The following IMPG1 variants were observed in gnomAD, a reference collection of about 807,000 sequenced individuals.
The protein encoded by IMPG1 is interphotoreceptor matrix proteoglycan 1.
IMPG1 carries 85 observed loss-of-function variants against 92.0 expected under a neutral mutation model. The observed-to-expected ratio is 0.92, with a 90% CI of 0.78 to 1.11. IMPG1 has a LOEUF of 1.11. Ranked by LOEUF, IMPG1 falls within the 50% of genes least tolerant of loss-of-function variation. The pLI is 0.00. For missense variants in IMPG1, 1,022 were observed against 956.0 expected (o/e 1.07, Z -0.91); for synonymous variants, 367 against 334.1 (o/e 1.10, Z -1.08).
chr6:76,067,758 T>C (rs1290189361), intron 1 of IMPG1, among the ~76,000 whole-genome samples: 1 of 151,906 alleles, frequency 6.6e-6, no homozygotes, highest in Non-Finnish European at 1.5e-5. Flanking sequence ...AAGACCAATA[T>C]CCCTGATTAA....
intron 1 of IMPG1, among the ~76,000 whole-genome samples, chr6:76,064,895 C>T (rs1313632801): frequency 6.6e-6 from 1 of 152,078 alleles, no homozygotes; most frequent in Non-Finnish European, 1.5e-5. Flanking sequence ...GAGACCTCTG[C>T]CATATTGGCA....
chr6:75,975,349 T>C (rs1053648865), intron 12 of IMPG1, among the ~76,000 whole-genome samples: 2 of 152,242 alleles, frequency 1.3e-5, no homozygotes, highest in African/African-American at 4.8e-5. Context: ...ATCTCTGATG[T>C]CCTGAAAAAA....
intron 12 of IMPG1, among the ~76,000 whole-genome samples, chr6:75,978,281 C>T (rs569269196): frequency 2.6e-5 from 4 of 152,284 alleles, no homozygotes; most frequent in South Asian, 2.1e-4. Flanking sequence ...CTCCATTTCA[C>T]GCTGCACCTT....
chr6:75,924,966 G>T (rs1781526801), intron 15 of IMPG1, among the ~76,000 whole-genome samples: 1 of 150,638 alleles, frequency 6.6e-6, no homozygotes, highest in Non-Finnish European at 1.5e-5. Context: ...CCAGAGACTG[G>T]GGAGGGGAGG....
rs1781436281 is a variant in IMPG1, at chr6:75,921,861, C to T, written c.*228G>A. Reference sequence around the variant, plus strand: ...CCAAGAATAGTAAAAATATGTTTCGCTGATTGCATTTGGGGTTTTAATAAT... The same window carrying T: ...CCAAGAATAGTAAAAATATGTTTCGTTGATTGCATTTGGGGTTTTAATAAT... On this transcript the variant is annotated 3_prime_UTR_variant, in exon 17 of 17. Transcript: ENST00000369950. The T allele has an allele frequency of 8.3e-6, 3 of 360,700 alleles. No individual in the cohort carries two copies. Among genetic ancestry groups the T allele is most frequent in the Non-Finnish European group, 1.5e-5 (3 of 199,524 alleles). 22.3% of individuals were successfully genotyped at this position (360,700 alleles called of 1,614,324 possible).
intron 6 of IMPG1, among the ~76,000 whole-genome samples, chr6:76,021,798 T>C (rs889296447): frequency 2.1e-5 from 3 of 140,712 alleles, no homozygotes; most frequent in African/African-American, 7.8e-5. Flanking sequence ...TATATATATA[T>C]ATATGGTTTT....
At chr6:75,946,583 A>C (rs1781932740) in intron 14 of IMPG1, among the ~76,000 whole-genome samples, 2 of 152,178 alleles carry the variant, frequency 1.3e-5, no homozygotes, top group Admixed American at 1.3e-4. Context: ...ACAGTTCCCA[A>C]TTTGGTCACA....
chr6:75,942,037 T>G (rs1781843843), intron 14 of IMPG1, among the ~76,000 whole-genome samples: 1 of 152,124 alleles, frequency 6.6e-6, no homozygotes. Flanking sequence ...CTCTAAACTA[T>G]GTCTACTACG....
In IMPG1 at chr6:76,001,680, T is replaced by C. The variant is rs553503388; in HGVS notation, c.1291+1238A>G. Among the ~76,000 whole-genome samples the C allele has an allele frequency of 1.8e-4, 27 of 152,302 alleles. No individual in the cohort carries two copies. The South Asian group carries it at 5.6e-3, about 32-fold the overall frequency. On this transcript the variant is annotated intron_variant, in intron 12 of 16. Coordinates refer to ENST00000369950, the MANE Select transcript of IMPG1 (RefSeq NM_001563.4). Reference sequence around the variant, plus strand: ...GCCAGTGAGTGAACCGTTTTGGAAATGGATCTTCAACACCAGTTGAGATAT... The same window carrying C: ...GCCAGTGAGTGAACCGTTTTGGAAACGGATCTTCAACACCAGTTGAGATAT...
chr6:76,000,118 A>T (rs1018067629), intron 12 of IMPG1, among the ~76,000 whole-genome samples: 1 of 152,238 alleles, frequency 6.6e-6, no homozygotes, highest in East Asian at 1.9e-4. Context: ...GCAGATCTAT[A>T]TTAGGTGACT....
At chr6:76,059,412 T>C (rs1784168649) in intron 1 of IMPG1, among the ~76,000 whole-genome samples, 1 of 150,046 alleles carries the variant, frequency 6.7e-6, no homozygotes, top group Non-Finnish European at 1.5e-5. Flanking sequence ...CTTTTTTTTT[T>C]AAGTGAAAAA....
chr6:76,007,574 G>T, intron 8 of IMPG1, 74 bp from the exon 9 acceptor site: 1 of 1,010,580 alleles, frequency 9.9e-7, no homozygotes, highest in Non-Finnish European at 1.5e-6. Flanking sequence ...GACATTCAAT[G>T]AATTATTTTA....
intron 14 of IMPG1, among the ~76,000 whole-genome samples, chr6:75,931,890 C>T (rs376934792): frequency 8.5e-5 from 13 of 152,278 alleles, no homozygotes; most frequent in African/African-American, 3.1e-4. Context: ...GCCAGTGGCC[C>T]CTGTTTGCCC....
At chr6:75,945,320 T>C (rs1400627742) in intron 14 of IMPG1, among the ~76,000 whole-genome samples, 1 of 151,980 alleles carries the variant, frequency 6.6e-6, no homozygotes, top group Non-Finnish European at 1.5e-5. Context: ...CTCATAATGT[T>C]ACCATCTCCA....
At chr6:76,010,062 T>A (rs1783157566) in intron 8 of IMPG1, among the ~76,000 whole-genome samples, 1 of 152,220 alleles carries the variant, frequency 6.6e-6, no homozygotes, top group Non-Finnish European at 1.5e-5. Context: ...ATATTAAGGG[T>A]TTCATCTTTT....
chr6:75,997,901 G>A (rs1782928000), intron 12 of IMPG1, among the ~76,000 whole-genome samples: 1 of 152,176 alleles, frequency 6.6e-6, no homozygotes, highest in African/African-American at 2.4e-5. Context: ...ACTTTTTGCT[G>A]TGGAATCAGG....
chr6:75,926,347 G>A (rs1202763672), intron 15 of IMPG1, among the ~76,000 whole-genome samples: 1 of 152,170 alleles, frequency 6.6e-6, no homozygotes, highest in Non-Finnish European at 1.5e-5. Context: ...CCACTATTCA[G>A]TGGAGAAAGA....
intron 7 of IMPG1, among the ~76,000 whole-genome samples, chr6:76,012,725 C>A (rs567824234): frequency 6.6e-6 from 1 of 152,314 alleles, no homozygotes; most frequent in African/African-American, 2.4e-5. Context: ...CGGGGGATAT[C>A]ATTTTCTCCC....
chr6:75,981,257 A>T (rs1198144520), intron 12 of IMPG1, among the ~76,000 whole-genome samples: 1 of 152,256 alleles, frequency 6.6e-6, no homozygotes, highest in East Asian at 1.9e-4. Context: ...AGTAAAGTCC[A>T]TAAAGAGGAA....
Sources: allele counts gnomAD v4.1 joint callset (sites outside exome capture counted in the v4.1 genomes callset), GRCh38; gene constraint gnomAD v4.1.1; transcripts MANE v1.5; gene names NCBI Gene and HGNC (gene_info 2026-07-23, HGNC 2026-07-21).